UBL3: variants seen among roughly 807,000 people sequenced by gnomAD.
UBL3 encodes the protein ubiquitin like 3.
In UBL3, 6 loss-of-function variants were observed where a neutral mutation model predicts 18.4. The ratio of observed to expected loss-of-function variants is 0.33; its 90% CI spans 0.18 to 0.64. The LOEUF is 0.64. Among genes scored for constraint, UBL3 ranks in the 30% least tolerant of loss-of-function variants. The probability of loss-of-function intolerance (pLI) is 0.76; values close to 1 mark genes in which losing one functional copy is unlikely to be tolerated. For missense variants in UBL3, 109 were observed against 142.9 expected, an observed-to-expected ratio of 0.76 and a Z score of 1.21; for synonymous variants, 49 against 46.6, an observed-to-expected ratio of 1.05 and a Z score of -0.21.
intron 1 of UBL3, among the ~76,000 whole-genome samples, chr13:29,811,551 A>G (rs1593665019): frequency 2.0e-5 from 3 of 152,038 alleles, no homozygotes; most frequent in Admixed American, 2.0e-4. Context: ...GCGGAAGGAA[A>G]CTGGTAGATA....
chr13:29,782,777 G>A (rs1408826254), intron 1 of UBL3, among the ~76,000 whole-genome samples: 1 of 152,186 alleles, frequency 6.6e-6, no homozygotes, highest in Non-Finnish European at 1.5e-5. Flanking sequence ...AACTGCAACA[G>A]TAACTGTGTA....
At position 29,765,499 on chromosome 13, in the gene UBL3, A is replaced by G. The variant is rs1876652994; in HGVS notation, c.*1756T>C. ...GGAATACTCCCCAAAACAACAACAG[A>G]ATATTAATTAAATGAATTTTAAAAG... On this transcript the variant is annotated 3_prime_UTR_variant, in exon 5 of 5. Transcript: ENST00000380680. The G allele has an allele frequency of 6.6e-6, 1 of 152,264 alleles. No individual in the cohort carries two copies. The highest frequency in any genetic ancestry group is 1.5e-5 in the Non-Finnish European group (1 of 68,010). 9.4% of individuals were successfully genotyped at this position (152,264 alleles called of 1,614,324 possible).
intron 1 of UBL3, among the ~76,000 whole-genome samples, chr13:29,779,876 A>G (rs1176126669): frequency 1.3e-5 from 2 of 152,186 alleles, no homozygotes; most frequent in Non-Finnish European, 2.9e-5. Flanking sequence ...TTAAAGTTAA[A>G]GTGAGATCGT....
intron 1 of UBL3, among the ~76,000 whole-genome samples, chr13:29,813,378 G>A (rs1248435986): frequency 6.6e-6 from 1 of 151,686 alleles, no homozygotes; most frequent in Non-Finnish European, 1.5e-5. Flanking sequence ...TTTTTACAAT[G>A]AAAAAAGTAA....
intron 1 of UBL3, among the ~76,000 whole-genome samples, chr13:29,840,934 C>G (rs914825872): frequency 2.0e-5 from 3 of 152,032 alleles, no homozygotes; most frequent in Non-Finnish European, 4.4e-5. Flanking sequence ...ATAGGCTGAG[C>G]TTTAAATATG....
At chr13:29,800,188 A>C (rs1211854725) in intron 1 of UBL3, among the ~76,000 whole-genome samples, 4 of 152,230 alleles carry the variant, frequency 2.6e-5, no homozygotes, top group Non-Finnish European at 5.9e-5. Flanking sequence ...TAAATCACTG[A>C]ATTTCACATT....
chr13:29,847,677 C>T (rs189206200), intron 1 of UBL3, among the ~76,000 whole-genome samples: 1 of 152,152 alleles, frequency 6.6e-6, no homozygotes, highest in Non-Finnish European at 1.5e-5. Flanking sequence ...ATAGACGGTA[C>T]TTAAGGTTAA....
chr13:29,828,288 C>G (rs928437881), intron 1 of UBL3, among the ~76,000 whole-genome samples: 9 of 152,128 alleles, frequency 5.9e-5, no homozygotes, highest in Admixed American at 3.9e-4. Context: ...CAACTTGGTT[C>G]CATTCTCCCC....
At chr13:29,826,134 C>A (rs982543967) in intron 1 of UBL3, among the ~76,000 whole-genome samples, 2 of 152,146 alleles carry the variant, frequency 1.3e-5, no homozygotes, top group African/African-American at 2.4e-5. Context: ...CGATGTTCAT[C>A]AGGGATATTG....
At chr13:29,843,588 C>T (rs925031006) in intron 1 of UBL3, among the ~76,000 whole-genome samples, 2 of 152,138 alleles carry the variant, frequency 1.3e-5, no homozygotes, top group South Asian at 2.1e-4. Context: ...TCACCAAATA[C>T]GCAAACATTT....
rs1049767979 is a variant in UBL3 at position 29,849,954 on chromosome 13, T to C, written c.-416A>G. 1 of 294,440 alleles carries C rather than the reference T, an allele frequency of 3.4e-6. No homozygotes were observed. Among genetic ancestry groups the C allele is most frequent in the African/African-American group, 2.2e-5 (1 of 45,412 alleles). The allele number at this position is 294,440 out of a possible 1,614,324, so 18.2% of individuals were successfully genotyped here. A position where few individuals can be genotyped will look rare whatever the true frequency, so the allele number is the denominator to read the frequency against. ...CACTTGCTCCCGAGTCAAGTCCTCA[T>C]TAAGCAGGAGAAAAATGCCCCAGCG... On this transcript the variant is annotated 5_prime_UTR_variant, in exon 1 of 5. It removes an upstream start codon present in the reference 5' UTR. Coordinates refer to ENST00000380680, the MANE Select transcript of UBL3 (RefSeq NM_007106.4).
At chr13:29,794,721 C>T (rs543102682) in intron 1 of UBL3, among the ~76,000 whole-genome samples, 6 of 152,302 alleles carry the variant, frequency 3.9e-5, no homozygotes, top group African/African-American at 7.2e-5. Flanking sequence ...GCCCTTTCTC[C>T]GATGTATCTT....
chr13:29,849,278 C>T (rs1044560500), intron 1 of UBL3, among the ~76,000 whole-genome samples: 3 of 152,138 alleles, frequency 2.0e-5, no homozygotes, highest in African/African-American at 7.2e-5. Flanking sequence ...GATACATTTC[C>T]CTACTTCTCC....
At chr13:29,818,474 T>A (rs932319618) in intron 1 of UBL3, among the ~76,000 whole-genome samples, 1 of 152,140 alleles carries the variant, frequency 6.6e-6, no homozygotes, top group Admixed American at 6.6e-5. Flanking sequence ...TTCCTTCCAA[T>A]AAAAAAGGAA....
In UBL3 at chr13:29,766,127, C is replaced by T. The variant is rs1399392406; in HGVS notation, c.*1128G>A. 4 of 152,476 alleles carry T rather than the reference C, an allele frequency of 2.6e-5. No individual in the cohort carries two copies. The highest frequency in any genetic ancestry group is 6.6e-5 in the Admixed American group (1 of 15,264). 9.4% of individuals were successfully genotyped at this position (152,476 alleles called of 1,614,324 possible). ...CAGGTTTAGATGAAAGTAGCTCATG[C>T]TTTAGTGCTGTGCAAATTGTTTTTA... On this transcript the variant is annotated 3_prime_UTR_variant, in exon 5 of 5. Coordinates refer to ENST00000380680, the MANE Select transcript of UBL3 (RefSeq NM_007106.4).
Position 29,849,569 on chromosome 13 carries a change from C to A in UBL3, c.-31G>T. 6.2e-7 allele frequency: 1 copy of A among 1,612,560 alleles called. No homozygotes were observed. The highest frequency in any genetic ancestry group is 1.7e-5 in the Admixed American group (1 of 59,884). ...CGTTTGATATACACCCAGATGTTTA[C>A]GAAAAAAACAAACAAAGAAAAAAGA... is the stretch of plus-strand genomic sequence containing the variant. On this transcript the variant is annotated 5_prime_UTR_variant, in exon 1 of 5. Coordinates refer to ENST00000380680, the MANE Select transcript of UBL3 (RefSeq NM_007106.4).
intron 1 of UBL3, among the ~76,000 whole-genome samples, chr13:29,788,866 TGTGTGC>T (rs1274019634): frequency 4.7e-4 from 15 of 32,246 alleles, no homozygotes; most frequent in Admixed American, 8.7e-4. Flanking sequence ...TGTGTGTGTG[TGTGTGC>T]GCGCGCGCGC....
chr13:29,846,987 T>C lies in UBL3; in HGVS notation c.27+2525A>G, dbSNP rs145710186. On this transcript the variant is annotated intron_variant, in intron 1 of 4. Coordinates refer to ENST00000380680, the MANE Select transcript of UBL3 (RefSeq NM_007106.4). ...AGTGGTGAGAGGAGCTCTTCAAGGTTTGGAGCGGTAAATTGTTGTCATGAA... is the reference window on the plus strand; with the variant it reads ...AGTGGTGAGAGGAGCTCTTCAAGGTCTGGAGCGGTAAATTGTTGTCATGAA... Among the ~76,000 whole-genome samples, 526 of 152,314 alleles carry C rather than the reference T, an allele frequency of 3.5e-3. 1 individual carries two copies. Among genetic ancestry groups the C allele is most frequent in the African/African-American group, 0.012 (502 of 41,556 alleles).
chr13:29,795,755 G>GAA (rs57782695), intron 1 of UBL3, among the ~76,000 whole-genome samples: 22,236 of 65,892 alleles, frequency 0.34, 3,993 homozygotes, highest in East Asian at 0.57. Flanking sequence ...CCTCATCTCA[G>GAA]AAAAAAAAAA....
Sources: allele counts gnomAD v4.1 joint callset (sites outside exome capture counted in the v4.1 genomes callset), GRCh38; gene constraint gnomAD v4.1.1; transcripts MANE v1.5; gene names NCBI Gene and HGNC (gene_info 2026-07-23, HGNC 2026-07-21).